Variants in GPC3 observed in about 807,000 individuals in gnomAD.
GPC3 encodes the protein glypican-3.
In GPC3, 3 loss-of-function variants were observed where a neutral mutation model predicts 34.4. The ratio of observed to expected loss-of-function variants is 0.09; its 90% CI spans 0.04 to 0.23. The LOEUF is 0.23. Among genes scored for constraint, GPC3 ranks in the 10% least tolerant of loss-of-function variants. The probability of loss-of-function intolerance (pLI) is 1.00; values close to 1 mark genes in which losing one functional copy is unlikely to be tolerated. For missense variants in GPC3, 351 were observed against 445.6 expected, an observed-to-expected ratio of 0.79 and a Z score of 1.91; for synonymous variants, 177 against 174.0, an observed-to-expected ratio of 1.02 and a Z score of -0.13.
intron 7 of GPC3, among the ~76,000 whole-genome samples, chrX:133,570,820 C>A (rs778927374): frequency 3.6e-5 from 4 of 111,025 alleles, no homozygotes; most frequent in South Asian, 3.9e-4. Flanking sequence ...ATTGTTATAG[C>A]CAGTGTACCC....
intron 6 of GPC3, among the ~76,000 whole-genome samples, chrX:133,606,595 ATT>A (rs1253282022): frequency 3.7e-5 from 4 of 109,166 alleles, no homozygotes; most frequent in African/African-American, 1.3e-4. Context: ...ATACTTTTGA[ATT>A]TTTTTTTGTA....
chrX:133,691,905 A>G (rs1282775999), intron 5 of GPC3, among the ~76,000 whole-genome samples: 1 of 112,443 alleles, frequency 8.9e-6, no homozygotes, highest in African/African-American at 3.2e-5. Flanking sequence ...AAACTTTGCA[A>G]CTTCTAGGAG....
intron 2 of GPC3, among the ~76,000 whole-genome samples, chrX:133,773,120 G>A (rs1196114942): frequency 3.6e-5 from 4 of 111,201 alleles, no homozygotes; most frequent in Non-Finnish European, 7.5e-5. Context: ...GTGCAATGGT[G>A]CAATCTCGGC....
Position 133,754,050 on chromosome X carries a change from T to C in GPC3, c.464A>G (p.Tyr155Cys). ...VGEFFTDVSL[Y>C]ILGSDINVDD... The stretch of plus-strand genomic sequence containing the variant: ...TACATTGATGTCAGAACCCAAGATG[T>C]AGAGAGACACATCTGTGAAAAATTC... The change falls in exon 3 of 8, where the codon TAC becomes TGC. Residue 155 changes from tyrosine (Y) to cysteine (C), a missense_variant. By Grantham distance (194) the Tyr-to-Cys change is radical. Coordinates refer to ENST00000370818, the MANE Select transcript of GPC3 (RefSeq NM_004484.4). The C allele has an allele frequency of 8.3e-7, 1 of 1,208,921 alleles. No homozygotes were observed. The highest frequency in any genetic ancestry group is 1.1e-6 in the Non-Finnish European group (1 of 893,168).
At chrX:133,626,069 A>G (rs2070295304) in intron 6 of GPC3, among the ~76,000 whole-genome samples, 1 of 112,084 alleles carries the variant, frequency 8.9e-6, no homozygotes, top group Non-Finnish European at 1.9e-5. Flanking sequence ...TGGGGAAAGG[A>G]TTCCCTATTT....
intron 4 of GPC3, among the ~76,000 whole-genome samples, chrX:133,695,766 TAAAG>T (rs1216323399): frequency 2.7e-5 from 3 of 112,074 alleles, no homozygotes; most frequent in African/African-American, 3.2e-5. Flanking sequence ...ATTTAGAAAA[TAAAG>T]AAAGATAGAA....
intron 2 of GPC3, among the ~76,000 whole-genome samples, chrX:133,909,185 C>T (rs2076184705): frequency 8.9e-6 from 1 of 112,226 alleles, no homozygotes; most frequent in Non-Finnish European, 1.9e-5. Context: ...AAAAACAGTT[C>T]CTGTGGCCCT....
At chrX:133,826,924 G>C (rs984597994) in intron 2 of GPC3, among the ~76,000 whole-genome samples, 10 of 111,963 alleles carry the variant, frequency 8.9e-5, no homozygotes, top group Non-Finnish European at 1.7e-4. Context: ...CAAACAAAGA[G>C]TCTATATCTA....
intron 2 of GPC3, among the ~76,000 whole-genome samples, chrX:133,928,025 T>C (rs967245746): frequency 9.1e-6 from 1 of 110,021 alleles, no homozygotes; most frequent in African/African-American, 3.3e-5. Context: ...ACTATAGTCC[T>C]CATGTATTAT....
At chrX:133,976,927 TAATA>T (rs3040476) in intron 1 of GPC3, among the ~76,000 whole-genome samples, 1,949 of 94,055 alleles carry the variant, frequency 0.021, 46 homozygotes, top group African/African-American at 0.066. Flanking sequence ...CAAAAAATGA[TAATA>T]AATAAATAAA....
chrX:133,741,281 CAAA>C (rs151157758), intron 3 of GPC3, among the ~76,000 whole-genome samples: 9 of 49,523 alleles, frequency 1.8e-4, no homozygotes, highest in Admixed American at 2.4e-4. Flanking sequence ...TTGTTTAAGC[CAAA>C]AAAAAAAAAA....
intron 2 of GPC3, among the ~76,000 whole-genome samples, chrX:133,762,217 A>G (rs186287165): frequency 6.7e-4 from 75 of 112,325 alleles, no homozygotes; most frequent in Admixed American, 1.2e-3. Context: ...TAAATGGCAA[A>G]CACCTTGTCA....
At chrX:133,919,076 AG>A (rs1406897740) in intron 2 of GPC3, among the ~76,000 whole-genome samples, 1 of 111,774 alleles carries the variant, frequency 8.9e-6, no homozygotes, top group African/African-American at 3.3e-5. Context: ...GACCCAACAC[AG>A]TGAACTAGGA....
chrX:133,668,736 C>T (rs975039101), intron 5 of GPC3, among the ~76,000 whole-genome samples: 36 of 111,406 alleles, frequency 3.2e-4, no homozygotes, highest in Non-Finnish European at 6.2e-4. Flanking sequence ...GAAGGTAGGT[C>T]ACTTGCCTAA....
intron 2 of GPC3, among the ~76,000 whole-genome samples, chrX:133,794,449 T>C (rs1214434790): frequency 2.7e-5 from 3 of 111,961 alleles, no homozygotes; most frequent in African/African-American, 6.5e-5. Flanking sequence ...ATATAGCTTA[T>C]TGAAAATATA....
chrX:133,915,406 C>T (rs1229517804), intron 2 of GPC3, among the ~76,000 whole-genome samples: 1 of 111,449 alleles, frequency 9.0e-6, no homozygotes, highest in Non-Finnish European at 1.9e-5. Context: ...AACTCCTGAC[C>T]TCAGGTGATC....
rs775325256 is a variant in GPC3 at position 133,700,020 on chromosome X, C to T, written c.1041G>A (p.Lys347=). 3.4e-6 allele frequency: 4 copies of T among 1,187,560 alleles called. No homozygotes were observed. The South Asian group carries it at 7.1e-5, about 21-fold the overall frequency. Residue 347 remains lysine, a synonymous_variant, in exon 4 of 8, where the codon AAG becomes AAA. Transcript: ENST00000370818. Reference sequence around the variant, plus strand: ...GGCGTTGTTGAGAATGGGCACATAACTTGCCAATCTGAAAAAAGAAATGCA... The same window carrying T: ...GGCGTTGTTGAGAATGGGCACATAATTTGCCAATCTGAAAAAAGAAATGCA... ...NAGKLTTTIG[K]LCAHSQQRQY... is the part of the protein sequence containing the mutation.
intron 2 of GPC3, among the ~76,000 whole-genome samples, chrX:133,856,338 T>G (rs909940837): frequency 9.0e-6 from 1 of 111,319 alleles, no homozygotes; most frequent in African/African-American, 3.3e-5. Flanking sequence ...GGTATCTCAG[T>G]GACTTTTATT....
At chrX:133,970,857 A>G (rs2076489356) in intron 1 of GPC3, among the ~76,000 whole-genome samples, 1 of 111,817 alleles carries the variant, frequency 8.9e-6, no homozygotes, top group Non-Finnish European at 1.9e-5. Context: ...GATAATAGAT[A>G]CAGGACAAAC....
Sources: gnomAD v4.1 joint callset for allele counts (sites outside exome capture counted in the v4.1 genomes callset) on GRCh38, gnomAD v4.1.1 for gene constraint, MANE v1.5 for transcripts, NCBI Gene and HGNC (gene_info 2026-07-23, HGNC 2026-07-21) for gene names.